The following MARK1 variants were observed in gnomAD, a reference collection of about 807,000 sequenced individuals.
MARK1 encodes microtubule affinity regulating kinase 1, also known as serine/threonine-protein kinase MARK1.
In MARK1, 40 loss-of-function variants were observed where a neutral mutation model predicts 96.3. The observed-to-expected ratio is 0.42, with a 90% CI of 0.32 to 0.54. MARK1 has a LOEUF of 0.54. MARK1 is among the 20% of genes least tolerant of loss of function. The pLI, the probability that MARK1 is intolerant of heterozygous loss-of-function variation, is 0.16. For synonymous variants in MARK1, 317 were observed against 341.2 expected (o/e 0.93, Z 0.78); for missense variants, 719 against 984.6 (o/e 0.73, Z 3.61).
chr1:220,530,796 C>T (rs1484342678), intron 1 of MARK1, among the ~76,000 whole-genome samples: 1 of 152,122 alleles, frequency 6.6e-6, no homozygotes, highest in Non-Finnish European at 1.5e-5. Flanking sequence ...TTCAAAGTCA[C>T]TTTTATGGTC....
intron 13 of MARK1, among the ~76,000 whole-genome samples, chr1:220,643,517 A>G (rs944344713): frequency 3.3e-5 from 5 of 152,216 alleles, no homozygotes; most frequent in African/African-American, 1.2e-4. Flanking sequence ...GATATCATCC[A>G]GGAGAACTTC....
At chr1:220,554,815 A>C (rs182558630) in intron 1 of MARK1, among the ~76,000 whole-genome samples, 1 of 152,170 alleles carries the variant, frequency 6.6e-6, no homozygotes. Context: ...GCATAGGCCA[A>C]ATAGGTGAGC....
At chr1:220,587,487 G>A (rs936998806) in intron 3 of MARK1, among the ~76,000 whole-genome samples, 3 of 151,976 alleles carry the variant, frequency 2.0e-5, no homozygotes, top group East Asian at 1.9e-4. Flanking sequence ...TCCTGCCTTA[G>A]CCTCCCAAGT....
chr1:220,580,105 AG>A (rs1221142397), intron 2 of MARK1, among the ~76,000 whole-genome samples: 1 of 152,130 alleles, frequency 6.6e-6, no homozygotes, highest in Admixed American at 6.6e-5. Flanking sequence ...CCTGTATGCT[AG>A]GGTTACAGAC....
chr1:220,599,753 A>G (rs763522735), intron 4 of MARK1, 45 bp from the exon 5 acceptor site: 12 of 1,062,736 alleles, frequency 1.1e-5, no homozygotes, highest in Admixed American at 4.1e-5. Context: ...AGCATATTCA[A>G]TCTGTGCTAA....
At chr1:220,661,690 T>C in intron 17 of MARK1, 122 bp from the exon 18 acceptor site, 2 of 663,582 alleles carry the variant, frequency 3.0e-6, no homozygotes, top group Non-Finnish European at 5.1e-6. Context: ...CTGAGGGTGG[T>C]CTGCAAATTA....
intron 1 of MARK1, among the ~76,000 whole-genome samples, chr1:220,531,378 A>G (rs1463256424): frequency 6.6e-6 from 1 of 152,186 alleles, no homozygotes; most frequent in East Asian, 1.9e-4. Context: ...TTGGTATATC[A>G]AGGACACTAA....
chr1:220,613,690 A>G (rs1224252707), intron 6 of MARK1, among the ~76,000 whole-genome samples: 1 of 152,222 alleles, frequency 6.6e-6, no homozygotes, highest in Non-Finnish European at 1.5e-5. Flanking sequence ...AACATAATTC[A>G]GTGAAAATTG....
chr1:220,586,012 C>CGCGT (rs1553322986), intron 3 of MARK1, among the ~76,000 whole-genome samples: 8 of 48,430 alleles, frequency 1.7e-4, no homozygotes, highest in South Asian at 1.6e-3. Flanking sequence ...CACACACACA[C>CGCGT]GCGCGCGTGC....
intron 13 of MARK1, among the ~76,000 whole-genome samples, chr1:220,643,850 T>A (rs1668424303): frequency 2.0e-5 from 3 of 152,262 alleles, no homozygotes; most frequent in Non-Finnish European, 1.5e-5. Flanking sequence ...GTAAAATCCT[T>A]TTCAGACAAG....
chr1:220,650,582 T>C (rs1260621401), intron 13 of MARK1, 38 bp from the exon 14 acceptor site: 2 of 1,319,172 alleles, frequency 1.5e-6, no homozygotes, highest in African/African-American at 2.9e-5. Context: ...CACAAATATA[T>C]TTATAATTTT....
chr1:220,653,406 C>T (rs1668996656), intron 16 of MARK1, 54 bp downstream of exon 16: 1 of 1,529,578 alleles, frequency 6.5e-7, no homozygotes, highest in African/African-American at 1.4e-5. Context: ...ATAAAGGAAA[C>T]TAGACTTTTT....
At chr1:220,569,380 G>A (rs1367832127) in intron 1 of MARK1, among the ~76,000 whole-genome samples, 1 of 151,862 alleles carries the variant, frequency 6.6e-6, no homozygotes, top group Non-Finnish European at 1.5e-5. Context: ...TTAAATTTGC[G>A]ATGTCACATT....
intron 1 of MARK1, among the ~76,000 whole-genome samples, chr1:220,571,290 C>T (rs944950717): frequency 7.9e-5 from 12 of 152,028 alleles, no homozygotes; most frequent in Admixed American, 2.0e-4. Flanking sequence ...AACTTAAAAG[C>T]TCACAGTTTC....
chr1:220,634,205 A>C (rs1460627463), intron 11 of MARK1, among the ~76,000 whole-genome samples: 1 of 152,148 alleles, frequency 6.6e-6, no homozygotes, highest in East Asian at 1.9e-4. Flanking sequence ...TTTAAAGTAC[A>C]CTCCCGAAGT....
At position 220,653,254 on chromosome 1, in the gene MARK1, A is replaced by G; in HGVS notation, c.1890A>G (p.Pro630=). 1 of 1,614,228 alleles carries G rather than the reference A, an allele frequency of 6.2e-7. No homozygotes were observed. Among genetic ancestry groups the G allele is most frequent in the South Asian group, 1.1e-5 (1 of 91,088 alleles). The change falls in exon 16 of 18, where the codon CCA becomes CCG. Residue 630 remains proline (P), a synonymous_variant. Transcript: ENST00000366917. ...RERRSVAYNG[P]PASPSHETGA... is the part of the protein sequence containing the mutation. ...GACGCAGCGTTGCTTATAATGGGCC[A>G]CCTGCTTCACCATCCCATGAAACGG...
At chr1:220,611,933 A>C (rs949268320) in intron 6 of MARK1, among the ~76,000 whole-genome samples, 5 of 152,062 alleles carry the variant, frequency 3.3e-5, no homozygotes, top group African/African-American at 1.2e-4. Context: ...GGGTTTCAGC[A>C]TGTTGGCCAA....
At chr1:220,557,207 A>G (rs1210172495) in intron 1 of MARK1, among the ~76,000 whole-genome samples, 1 of 152,230 alleles carries the variant, frequency 6.6e-6, no homozygotes, top group Non-Finnish European at 1.5e-5. Context: ...TTAAAATGAA[A>G]TAATGTTTTT....
At chr1:220,644,028 C>T (rs1668437330) in intron 13 of MARK1, among the ~76,000 whole-genome samples, 1 of 152,030 alleles carries the variant, frequency 6.6e-6, no homozygotes, top group South Asian at 2.1e-4. Context: ...CAAAATTGGC[C>T]ACCCAGCATT....
Sources: allele counts gnomAD v4.1 joint callset (sites outside exome capture counted in the v4.1 genomes callset), GRCh38; gene constraint gnomAD v4.1.1; transcripts MANE v1.5; gene names NCBI Gene and HGNC (gene_info 2026-07-23, HGNC 2026-07-21).